The following ARB2A variants were observed in gnomAD, a reference collection of about 807,000 sequenced individuals.
The protein encoded by ARB2A is cotranscriptional regulator ARB2A.
chr5:93,867,148 CTG>C, the ARB2A span, among the ~76,000 whole-genome samples: 4 of 152,040 alleles, frequency 2.6e-5, no homozygotes, highest in African/African-American at 9.7e-5. Flanking sequence ...GGTTCAAAGT[CTG>C]TGTTTTAAAA....
chr5:93,922,104 A>C, the ARB2A span, among the ~76,000 whole-genome samples: 4 of 152,158 alleles, frequency 2.6e-5, no homozygotes, highest in Non-Finnish European at 5.9e-5. Flanking sequence ...AAGATTATGA[A>C]TTTCTGGAAA....
At chr5:93,727,889 A>G in the ARB2A span, among the ~76,000 whole-genome samples, 1 of 152,102 alleles carries the variant, frequency 6.6e-6, no homozygotes, top group Non-Finnish European at 1.5e-5. Flanking sequence ...ATTCATAGCC[A>G]CTGACACCAG....
At chr5:93,699,236 A>G in the ARB2A span, among the ~76,000 whole-genome samples, 4 of 152,148 alleles carry the variant, frequency 2.6e-5, no homozygotes, top group African/African-American at 9.7e-5. Context: ...TATCTTAAAC[A>G]TACTCTCTGA....
At chr5:93,819,560 C>T in the ARB2A span, among the ~76,000 whole-genome samples, 2 of 152,160 alleles carry the variant, frequency 1.3e-5, no homozygotes, top group African/African-American at 2.4e-5. Flanking sequence ...TTTTGACTCC[C>T]AGCAGCCCAA....
At chr5:93,718,862 G>T in the ARB2A span, among the ~76,000 whole-genome samples, 1 of 151,844 alleles carries the variant, frequency 6.6e-6, no homozygotes, top group South Asian at 2.1e-4. Context: ...AAGGTTCTTT[G>T]GTAGTACCTC....
At chr5:93,865,297 G>A in the ARB2A span, 5 of 549,356 alleles carry the variant, frequency 9.1e-6, no homozygotes, top group South Asian at 1.6e-4. Context: ...TAGCCAGAAC[G>A]GTCTCGATCT....
the ARB2A span, among the ~76,000 whole-genome samples, chr5:94,045,197 T>C: frequency 6.7e-6 from 1 of 149,646 alleles, no homozygotes; most frequent in Admixed American, 6.6e-5. Context: ...GTGTGAATAA[T>C]CCACCCCTTG....
chr5:93,685,546 T>C, the ARB2A span, among the ~76,000 whole-genome samples: 5 of 152,162 alleles, frequency 3.3e-5, no homozygotes, highest in African/African-American at 1.2e-4. Flanking sequence ...ACCAATGTAC[T>C]GAAAAAAAGA....
At chr5:93,814,372 T>C in the ARB2A span, among the ~76,000 whole-genome samples, 42 of 152,324 alleles carry the variant, frequency 2.8e-4, 1 homozygote, top group East Asian at 7.5e-3. Flanking sequence ...AAGATAACTA[T>C]GTATTAGGAT....
At chr5:93,728,600 G>C in the ARB2A span, among the ~76,000 whole-genome samples, 19 of 152,014 alleles carry the variant, frequency 1.2e-4, no homozygotes, top group African/African-American at 3.4e-4. Context: ...ACAGGCCAGT[G>C]GATCTGCTAA....
At chr5:93,770,743 C>A in the ARB2A span, among the ~76,000 whole-genome samples, 1 of 152,142 alleles carries the variant, frequency 6.6e-6, no homozygotes, top group East Asian at 1.9e-4. Context: ...ATCCAACTTA[C>A]AAGGGACGTG....
At chr5:94,070,365 T>G in the ARB2A span, among the ~76,000 whole-genome samples, 1 of 151,940 alleles carries the variant, frequency 6.6e-6, no homozygotes, top group Admixed American at 6.6e-5. Context: ...TGAAGAGAGT[T>G]TTTTTAATGG....
the ARB2A span, among the ~76,000 whole-genome samples, chr5:93,760,092 T>G: frequency 6.6e-6 from 1 of 152,180 alleles, no homozygotes; most frequent in African/African-American, 2.4e-5. Context: ...AGCTCTTCTA[T>G]ACACCAACAG....
At chr5:93,797,084 T>G in the ARB2A span, among the ~76,000 whole-genome samples, 1 of 152,132 alleles carries the variant, frequency 6.6e-6, no homozygotes, top group East Asian at 1.9e-4. Flanking sequence ...AAGTTTCCTC[T>G]ATCAATATCC....
chr5:93,938,269 C>G, the ARB2A span, among the ~76,000 whole-genome samples: 1 of 152,140 alleles, frequency 6.6e-6, no homozygotes, highest in African/African-American at 2.4e-5. Flanking sequence ...AACTGCCTCT[C>G]TGGTTAAATG....
chr5:94,082,007 A>C, the ARB2A span, among the ~76,000 whole-genome samples: 14 of 152,326 alleles, frequency 9.2e-5, no homozygotes, highest in East Asian at 9.7e-4. Context: ...CTCCAGAGCC[A>C]GGCTAGCAAT....
chr5:93,866,354 G>T, the ARB2A span: 1 of 920,716 alleles, frequency 1.1e-6, no homozygotes, highest in Non-Finnish European at 1.3e-6. Flanking sequence ...GGGAGGAACA[G>T]TGTTTTCAAC....
At chr5:94,069,087 T>TAGATAGATAGAC in the ARB2A span, among the ~76,000 whole-genome samples, 818 of 151,306 alleles carry the variant, frequency 5.4e-3, 9 homozygotes, top group East Asian at 7.0e-3. Context: ...GATAGATAGA[T>TAGATAGATAGAC]AGACTAATGG....
At chr5:93,853,072 A>G in the ARB2A span, among the ~76,000 whole-genome samples, 486 of 152,218 alleles carry the variant, frequency 3.2e-3, 2 homozygotes, top group South Asian at 0.014. Context: ...CATGATATTG[A>G]TTCTTCCTAC....
Sources: allele counts gnomAD v4.1 joint callset (sites outside exome capture counted in the v4.1 genomes callset), GRCh38; gene constraint gnomAD v4.1.1; transcripts MANE v1.5; gene names NCBI Gene and HGNC (gene_info 2026-07-23, HGNC 2026-07-21).